Variants in DBNL observed in about 807,000 individuals in gnomAD.
DBNL encodes drebrin like, also known as drebrin-like protein.
DBNL carries 35 observed loss-of-function variants against 62.2 expected under a neutral mutation model. The ratio of observed to expected loss-of-function variants is 0.56; its 90% confidence interval spans 0.43 to 0.75. The LOEUF (loss-of-function observed/expected upper bound fraction) is 0.75. Among genes scored for constraint, DBNL ranks in the 30% least tolerant of loss-of-function variants. DBNL has a pLI of 0.00. For synonymous variants in DBNL, 197 were observed against 218.0 expected, an observed-to-expected ratio of 0.90 and a Z score of 0.85; for missense variants, 495 against 578.4, an observed-to-expected ratio of 0.86 and a Z score of 1.48.
intron 1 of DBNL, among the ~76,000 whole-genome samples, chr7:44,047,254 G>A (rs543376997): frequency 2.6e-5 from 4 of 152,316 alleles, no homozygotes; most frequent in African/African-American, 7.2e-5. Flanking sequence ...CTTGAGGCAC[G>A]GTTGTTACAT....
intron 1 of DBNL, 195 bp downstream of exon 1, chr7:44,045,015 C>A: frequency 2.0e-6 from 1 of 498,034 alleles, no homozygotes; most frequent in African/African-American, 2.0e-5. Context: ...CTTGCCCCGC[C>A]GATCGTGGAC....
At chr7:44,054,644 A>T (rs1403208741) in intron 4 of DBNL, among the ~76,000 whole-genome samples, 1 of 152,208 alleles carries the variant, frequency 6.6e-6, no homozygotes, top group Non-Finnish European at 1.5e-5. Flanking sequence ...TGGGAACATT[A>T]CAATTTTTCT....
Position 44,061,188 on chromosome 7 carries a change from G to C in DBNL, c.*272G>C. The C allele has an allele frequency of 2.2e-6, 1 of 459,194 alleles. No homozygotes were observed. The highest frequency in any genetic ancestry group is 3.9e-6 in the Non-Finnish European group (1 of 257,312). The allele number at this position is 459,194 out of a possible 1,614,324, so 28.4% of individuals were successfully genotyped here. Reference sequence around the variant, plus strand: ...GGATACTGAGCCAAGCCCTGCCTGTGGCCAAGCCCTGAGTGGCCACTGCCA... The same window carrying C: ...GGATACTGAGCCAAGCCCTGCCTGTCGCCAAGCCCTGAGTGGCCACTGCCA... On this transcript the variant is annotated 3_prime_UTR_variant, in exon 13 of 13. Transcript: ENST00000448521.
rs142338686 is a variant in DBNL, at chr7:44,058,965, A to G, written c.817A>G (p.Ile273Val). ...GGAGAGGGCCATGTCCACCACCTCC[A>G]TCTCCAGTCCTCAGCCTGGTGAGCT... ...QKERAMSTTS[I>V]SSPQPGKLRS... Residue 273 changes from isoleucine to valine, a missense_variant, in exon 9 of 13, where the codon ATC (isoleucine) becomes GTC (valine). Coordinates refer to ENST00000448521, the MANE Select transcript of DBNL (RefSeq NM_001014436.3). 2 of 1,613,818 alleles carry G rather than the reference A, an allele frequency of 1.2e-6. No homozygotes were observed. Among genetic ancestry groups the G allele is most frequent in the Non-Finnish European group, 1.7e-6 (2 of 1,179,976 alleles).
At position 44,062,799 on chromosome 7, in the gene DBNL, T is replaced by A. The variant is rs745751353; in HGVS notation, c.*1883T>A. 6.2e-7 allele frequency: 1 copy of A among 1,614,212 alleles called. No individual in the cohort carries two copies. The highest frequency in any genetic ancestry group is 8.5e-7 in the Non-Finnish European group (1 of 1,180,032). On this transcript the variant is annotated 3_prime_UTR_variant, in exon 13 of 13. Transcript: ENST00000448521. The stretch of plus-strand genomic sequence containing the variant: ...TTGCCCTGGGCAGCCACAGCCTCCA[T>A]GGCCTTCCGCACCGTTTCCTCATCA...
In DBNL at chr7:44,059,195, G is replaced by A. The variant is rs574102389; in HGVS notation, c.836-159G>A. Among the ~76,000 whole-genome samples the A allele has an allele frequency of 3.3e-5, 5 of 152,342 alleles. No individual in the cohort carries two copies. The highest frequency in any genetic ancestry group is 2.1e-4 in the South Asian group (1 of 4,832). The stretch of plus-strand genomic sequence containing the variant: ...GATATTGGGCTGCGCTGTCTACCAC[G>A]TCACCACATAGCACATGGCCCTGGG... On this transcript the variant is annotated intron_variant, in intron 9 of 12. Coordinates refer to ENST00000448521, the MANE Select transcript of DBNL (RefSeq NM_001014436.3). The surrounding 1 kb of genome is among the most constrained non-coding windows in gnomAD (Gnocchi z 4.1).
chr7:44,067,006 T>C lies in DBNL; in HGVS notation c.*6090T>C, dbSNP rs2096161298. Reference sequence around the variant, plus strand: ...AGCCCATATTTCAGTGGAGGAGGGATCGTACCAGCAGCTAAACATGCCTAC... The same window carrying C: ...AGCCCATATTTCAGTGGAGGAGGGACCGTACCAGCAGCTAAACATGCCTAC... On this transcript the variant is annotated 3_prime_UTR_variant, in exon 13 of 13. Transcript: ENST00000448521. 6.6e-6 allele frequency: 1 copy of C among 152,356 alleles called. No individual in the cohort carries two copies. The highest frequency in any genetic ancestry group is 1.5e-5 in the Non-Finnish European group (1 of 68,152). The allele number at this position is 152,356 out of a possible 1,614,324, so 9.4% of individuals were successfully genotyped here.
chr7:44,051,506 G>C (rs1411185133), intron 2 of DBNL: 2 of 208,932 alleles, frequency 9.6e-6, no homozygotes, highest in Admixed American at 5.5e-5. Context: ...CTGGTGGCTG[G>C]TTTGCCGTGG....
intron 4 of DBNL, among the ~76,000 whole-genome samples, chr7:44,054,827 C>T (rs533617459): frequency 3.3e-4 from 50 of 152,258 alleles, no homozygotes; most frequent in African/African-American, 1.2e-3. Context: ...CAGCATTCTA[C>T]TCTCTCCCTC....
intron 1 of DBNL, among the ~76,000 whole-genome samples, chr7:44,047,534 ATAGTACGT>A (rs2096119443): frequency 6.6e-6 from 1 of 152,150 alleles, no homozygotes; most frequent in Non-Finnish European, 1.5e-5. Context: ...TCACTCTCTA[ATAGTACGT>A]TAGTGTTAGG....
intron 5 of DBNL, 144 bp downstream of exon 5, chr7:44,057,047 T>A: frequency 8.0e-7 from 1 of 1,256,854 alleles, no homozygotes; most frequent in Non-Finnish European, 1.1e-6. Context: ...GCTGTGGTGA[T>A]TGCCCACTGA....
chr7:44,053,770 G>A (rs1199286191), intron 4 of DBNL, among the ~76,000 whole-genome samples: 4 of 150,834 alleles, frequency 2.7e-5, no homozygotes, highest in Admixed American at 6.6e-5. Context: ...TCCGCCTCCC[G>A]GGTTCACACC....
At position 44,059,977 on chromosome 7, in the gene DBNL, C is replaced by T. The variant is rs1236696721; in HGVS notation, c.1048-71C>T. 6.8e-7 allele frequency: 1 copy of T among 1,479,230 alleles called. No homozygotes were observed. The highest frequency in any genetic ancestry group is 2.4e-5 in the East Asian group (1 of 41,344). The allele number at this position is 1,479,230 out of a possible 1,614,324, so 91.6% of individuals were successfully genotyped here. ...CTGCGTACTCCCAGCTTGACCTGAG[C>T]CATGTGGGGCAGAGCAGCGATTGTG... On this transcript the variant is annotated intron_variant, in intron 11 of 12. Transcript: ENST00000448521. The surrounding 1 kb of genome is among the most constrained non-coding windows in gnomAD (Gnocchi z 4.1).
In DBNL at chr7:44,060,295, A is replaced by AC; in HGVS notation, c.1153+142_1153+143insC. 1 of 725,834 alleles carries AC rather than the reference A, an allele frequency of 1.4e-6. No individual in the cohort carries two copies. The highest frequency in any genetic ancestry group is 2.3e-6 in the Non-Finnish European group (1 of 437,558). 45.0% of individuals were successfully genotyped at this position (725,834 alleles called of 1,614,324 possible). A position where few individuals can be genotyped will look rare whatever the true frequency, so the allele number is the denominator to read the frequency against. On this transcript the variant is annotated intron_variant, in intron 12 of 12. Transcript: ENST00000448521. This position sits in a 1 kb window ranked among gnomAD's most constrained non-coding sequence, Gnocchi z 6.3. ...GGTGGGCGGTGCGTTTAGGGGTAGA[A>AC]GCACCTCTGGAGTGGGGGTGACTGT...
Position 44,064,514 on chromosome 7 carries a change from A to G in DBNL, c.*3598A>G. 1 of 408,494 alleles carries G rather than the reference A, an allele frequency of 2.4e-6. No individual in the cohort carries two copies. The highest frequency in any genetic ancestry group is 2.2e-5 in the South Asian group (1 of 44,628). 25.3% of individuals were successfully genotyped at this position (408,494 alleles called of 1,614,324 possible). Reference sequence around the variant, plus strand: ...GGCCCCACAGTAAGTTGGGATTTGGAGCCAGATGCTCTAAGCCCAGCCCTT... The same window carrying G: ...GGCCCCACAGTAAGTTGGGATTTGGGGCCAGATGCTCTAAGCCCAGCCCTT... On this transcript the variant is annotated 3_prime_UTR_variant, in exon 13 of 13. Transcript: ENST00000448521.
Position 44,065,232 on chromosome 7 carries a change from T to C in DBNL, c.*4316T>C, listed in dbSNP as rs778853009. On this transcript the variant is annotated 3_prime_UTR_variant, in exon 13 of 13. Transcript: ENST00000448521. ...CCGTGCTTGGCGGCCGTTTCTGCCT[T>C]GTTGAGGCCTGTGAGGCCCCCGTAA... 2 of 1,613,876 alleles carry C rather than the reference T, an allele frequency of 1.2e-6. No homozygotes were observed. The highest frequency in any genetic ancestry group is 1.7e-6 in the Non-Finnish European group (2 of 1,180,040).
chr7:44,053,045 G>T, intron 4 of DBNL, 104 bp downstream of exon 4: 2 of 1,424,264 alleles, frequency 1.4e-6, no homozygotes, highest in South Asian at 2.5e-5. Context: ...GGAGTTGGGA[G>T]TGTGCTCATA....
Position 44,059,633 on chromosome 7 carries a change from A to G in DBNL, c.1022A>G (p.Glu341Gly). 1 of 1,608,022 alleles carries G rather than the reference A, an allele frequency of 6.2e-7. No individual in the cohort carries two copies. The highest frequency in any genetic ancestry group is 2.2e-5 in the East Asian group (1 of 44,870). The change falls in exon 11 of 13, where the codon GAG (glutamate) becomes GGG (glycine). Residue 341 changes from glutamate to glycine, a missense_variant. Glu to Gly is a moderately conservative substitution (Grantham distance 98, BLOSUM62 -2). Coordinates refer to ENST00000448521, the MANE Select transcript of DBNL (RefSeq NM_001014436.3). This position sits in a 1 kb window ranked among gnomAD's most constrained non-coding sequence, Gnocchi z 4.1. ...GTGTATGAGGAACCTCCAGAGCAGG[A>G]GACCTTCTACGAGCAGCCCCCACTG... ...EAVYEEPPEQ[E>G]TFYEQPPLVQ...
In DBNL at chr7:44,060,884, T is replaced by C; in HGVS notation, c.1261T>C (p.Phe421Leu). 1 of 1,614,034 alleles carries C rather than the reference T, an allele frequency of 6.2e-7. No individual in the cohort carries two copies. Among genetic ancestry groups the C allele is most frequent in the Non-Finnish European group, 8.5e-7 (1 of 1,179,970 alleles). Residue 421 changes from phenylalanine (F) to leucine (L), a missense_variant, in exon 13 of 13, where the codon TTC becomes CTC. Phe to Leu is a conservative substitution (Grantham distance 22). Coordinates refer to ENST00000448521, the MANE Select transcript of DBNL (RefSeq NM_001014436.3). This position sits in a 1 kb window ranked among gnomAD's most constrained non-coding sequence, Gnocchi z 6.3. ...TGGGCCGGATGGCCATTTTGGCATG[T>C]TCCCTGCCAACTACGTGGAGCTCAT... is the stretch of plus-strand genomic sequence containing the variant. Reference protein sequence around the residue: ...GYGPDGHFGMFPANYVELIE With the variant: ...GYGPDGHFGMLPANYVELIE
Sources: gnomAD v4.1 joint callset for allele counts (sites outside exome capture counted in the v4.1 genomes callset) on GRCh38, gnomAD v4.1.1 for gene constraint, Gnocchi (gnomAD v3.1) non-coding constraint, MANE v1.5 for transcripts, NCBI Gene and HGNC (gene_info 2026-07-23, HGNC 2026-07-21) for gene names.